Variants in BCAR3 observed in about 807,000 individuals in gnomAD.
BCAR3 encodes the protein BCAR3 adaptor protein, NSP family member, also known as breast cancer anti-estrogen resistance protein 3.
In BCAR3, 37 loss-of-function variants were observed where a neutral mutation model predicts 80.1. The observed-to-expected ratio is 0.46, with a 90% CI of 0.36 to 0.61. The LOEUF (loss-of-function observed/expected upper bound fraction) is 0.61. Among genes scored for constraint, BCAR3 ranks in the 20% least tolerant of loss-of-function variants. The probability of loss-of-function intolerance (pLI) is 0.00; values close to 1 mark genes in which losing one functional copy is unlikely to be tolerated. For missense variants in BCAR3, 978 were observed against 1,068.2 expected, an observed-to-expected ratio of 0.92 and a Z score of 1.18; for synonymous variants, 389 against 418.9, an observed-to-expected ratio of 0.93 and a Z score of 0.87.
rs374392499 is a variant in BCAR3 at position 93,716,922 on chromosome 1, C to T, written c.-62-10780G>A. 1.5e-3 allele frequency among the ~76,000 whole-genome samples: 234 copies of T among 152,310 alleles called. 1 individual carries two copies. Among genetic ancestry groups the T allele is most frequent in the African/African-American group, 5.4e-3 (226 of 41,564 alleles). Reference sequence around the variant, plus strand: ...AGATGCAGGTGCACGAGTGGTGAAGCTGTAGATGGGCTCGGTAGATACAGA... The same window carrying T: ...AGATGCAGGTGCACGAGTGGTGAAGTTGTAGATGGGCTCGGTAGATACAGA... On this transcript the variant is annotated intron_variant, in intron 2 of 13. Transcript: ENST00000370244.
At chr1:93,635,487 C>T (rs965369204) in intron 3 of BCAR3, among the ~76,000 whole-genome samples, 6 of 152,196 alleles carry the variant, frequency 3.9e-5, no homozygotes, top group African/African-American at 7.2e-5. Flanking sequence ...TCATCCATAC[C>T]TAGGATGTGG....
At chr1:93,749,875 G>A (rs1409869730) in intron 2 of BCAR3, among the ~76,000 whole-genome samples, 1 of 147,886 alleles carries the variant, frequency 6.8e-6, no homozygotes, top group Non-Finnish European at 1.5e-5. Flanking sequence ...TTTGCTTAAA[G>A]ATGATCTTGA....
At chr1:93,712,006 C>G (rs976709352) in intron 2 of BCAR3, among the ~76,000 whole-genome samples, 7 of 152,154 alleles carry the variant, frequency 4.6e-5, no homozygotes, top group Admixed American at 2.6e-4. Flanking sequence ...TCCTGAGGAC[C>G]AGGGCTGAGA....
intron 5 of BCAR3, chr1:93,585,306 GA>G: frequency 1.5e-6 from 1 of 689,146 alleles, no homozygotes; most frequent in Non-Finnish European, 1.8e-6. Context: ...AGCAGGCCAT[GA>G]GCCATCTTTT....
At chr1:93,683,485 C>T (rs972587534), upstream of BCAR3, among the ~76,000 whole-genome samples, 1 of 152,124 alleles carries the variant, frequency 6.6e-6, no homozygotes. Flanking sequence ...CACATATTCA[C>T]CAAAAGATGT....
At position 93,582,294 on chromosome 1, in the gene BCAR3, C is replaced by A. The variant is rs577874910; in HGVS notation, c.1686+7G>T. The A allele has an allele frequency of 6.2e-7, 1 of 1,608,888 alleles. No homozygotes were observed. The highest frequency in any genetic ancestry group is 1.7e-5 in the Admixed American group (1 of 59,840). ...GCCAGAGGAGCACCAGGACCCCCAG[C>A]GCTTACCCTGCAGTCCATGCTCAGT... On this transcript the variant is annotated splice_region_variant and intron_variant, in intron 7 of 11. Coordinates refer to ENST00000260502, the MANE Select transcript of BCAR3 (RefSeq NM_003567.4).
At chr1:93,786,308 G>A (rs1209775675) in intron 2 of BCAR3, among the ~76,000 whole-genome samples, 1 of 151,472 alleles carries the variant, frequency 6.6e-6, no homozygotes, top group Non-Finnish European at 1.5e-5. Flanking sequence ...CCCCTGTGGA[G>A]TGCAGAGGAC....
chr1:93,815,625 AGTC>A (rs1653991763), intron 2 of BCAR3, among the ~76,000 whole-genome samples: 1 of 152,156 alleles, frequency 6.6e-6, no homozygotes, highest in African/African-American at 2.4e-5. Context: ...TGGGGAGGGA[AGTC>A]ACTTTTCATC....
chr1:93,613,320 C>A (rs1483612756), intron 3 of BCAR3, among the ~76,000 whole-genome samples: 1 of 152,138 alleles, frequency 6.6e-6, no homozygotes, highest in Admixed American at 6.5e-5. Flanking sequence ...GCTCTTGGCA[C>A]CGGTGTCTTA....
At chr1:93,715,393 C>T (rs1156457595) in intron 2 of BCAR3, among the ~76,000 whole-genome samples, 4 of 152,188 alleles carry the variant, frequency 2.6e-5, no homozygotes, top group African/African-American at 9.6e-5. Context: ...TGGAGATTTT[C>T]ATCTACCCCT....
chr1:93,631,655 G>A (rs760557400), intron 3 of BCAR3, among the ~76,000 whole-genome samples: 13 of 152,194 alleles, frequency 8.5e-5, no homozygotes, highest in Non-Finnish European at 1.8e-4. Flanking sequence ...GAGTCTCTCA[G>A]TCATCCCTAC....
intron 2 of BCAR3, among the ~76,000 whole-genome samples, chr1:93,832,850 G>A (rs748763771): frequency 2.0e-5 from 3 of 152,078 alleles, no homozygotes; most frequent in Non-Finnish European, 4.4e-5. Flanking sequence ...CTGCTTTCCT[G>A]ACTATTCCTG....
intron 2 of BCAR3, among the ~76,000 whole-genome samples, chr1:93,776,210 C>T (rs1652540265): frequency 6.6e-6 from 1 of 152,176 alleles, no homozygotes; most frequent in Non-Finnish European, 1.5e-5. Flanking sequence ...ACTAAACATA[C>T]TGCATGTTAA....
At chr1:93,663,111 T>C (rs1647741664) in intron 2 of BCAR3, among the ~76,000 whole-genome samples, 1 of 152,206 alleles carries the variant, frequency 6.6e-6, no homozygotes, top group African/African-American at 2.4e-5. Flanking sequence ...ACATTTATCC[T>C]ACCCTTTCCA....
chr1:93,723,584 T>A (rs1163881939), intron 2 of BCAR3: 1 of 152,254 alleles, frequency 6.6e-6, no homozygotes, highest in Non-Finnish European at 1.5e-5. Flanking sequence ...GACTTTCCAC[T>A]TGGTTTTAGT....
intron 3 of BCAR3, among the ~76,000 whole-genome samples, chr1:93,692,904 A>C (rs1217325427): frequency 2.0e-5 from 3 of 152,180 alleles, no homozygotes; most frequent in Non-Finnish European, 4.4e-5. Flanking sequence ...AGTTTCAGAC[A>C]TAGGGTCAGA....
At chr1:93,799,364 T>C (rs1357625792) in intron 2 of BCAR3, among the ~76,000 whole-genome samples, 1 of 152,142 alleles carries the variant, frequency 6.6e-6, no homozygotes, top group African/African-American at 2.4e-5. Flanking sequence ...GGATATCCAA[T>C]GTATGGGGTC....
intron 2 of BCAR3, among the ~76,000 whole-genome samples, chr1:93,730,313 C>G (rs1650740491): frequency 6.6e-6 from 1 of 152,156 alleles, no homozygotes; most frequent in Non-Finnish European, 1.5e-5. Context: ...CTGGAACTTT[C>G]CATCTTATTG....
intron 2 of BCAR3, among the ~76,000 whole-genome samples, chr1:93,733,464 A>T (rs1204720042): frequency 6.6e-6 from 1 of 152,208 alleles, no homozygotes; most frequent in Non-Finnish European, 1.5e-5. Context: ...AGGAGAGTTT[A>T]GAGGGGACAC....
Sources: allele counts gnomAD v4.1 joint callset (sites outside exome capture counted in the v4.1 genomes callset), GRCh38; gene constraint gnomAD v4.1.1; transcripts MANE v1.5; gene names NCBI Gene and HGNC (gene_info 2026-07-23, HGNC 2026-07-21).